SYNE3: variants seen among roughly 807,000 people sequenced by gnomAD.
SYNE3 encodes spectrin repeat containing nuclear envelope family member 3, also known as nesprin-3.
Under a neutral mutation model 111.2 loss-of-function variants are expected in SYNE3, and 100 were observed. That is an observed-to-expected ratio of 0.90 (90% CI 0.77 to 1.06). The LOEUF is 1.06. Among genes scored for constraint, SYNE3 ranks in the 50% least tolerant of loss-of-function variants. The probability of loss-of-function intolerance (pLI) is 0.00; values close to 1 mark genes in which losing one functional copy is unlikely to be tolerated. For synonymous variants in SYNE3, 547 were observed against 533.9 expected (o/e 1.02, Z -0.34); for missense variants, 1,160 against 1,240.3 (o/e 0.94, Z 0.97).
At chr14:95,491,946 G>T (rs1232159142) in intron 1 of SYNE3, among the ~76,000 whole-genome samples, 4 of 152,200 alleles carry the variant, frequency 2.6e-5, no homozygotes, top group Admixed American at 2.6e-4. Context: ...CAAATGATTT[G>T]AATAGACATT....
chr14:95,442,015 A>C (rs1167677097), intron 11 of SYNE3, among the ~76,000 whole-genome samples: 2 of 152,232 alleles, frequency 1.3e-5, no homozygotes, highest in East Asian at 3.8e-4. Context: ...CCTGCTTGGC[A>C]TGACCTGAGC....
chr14:95,437,331 G>C (rs894474953), intron 14 of SYNE3, among the ~76,000 whole-genome samples: 1 of 152,186 alleles, frequency 6.6e-6, no homozygotes. Flanking sequence ...CTAACTTCTT[G>C]GTTATCCACA....
rs57503952 is a variant in SYNE3, at chr14:95,474,396, C to G, written c.144+1282G>C. On this transcript the variant is annotated intron_variant, in intron 2 of 17. Transcript: ENST00000682763. ...ACGTGTCTCCATGAGGCTGGGAACC[C>G]TCAAGAGCAGGGTGGGCCTCACCCA... 2.4e-4 allele frequency among the ~76,000 whole-genome samples: 36 copies of G among 152,304 alleles called. No individual in the cohort carries two copies. The East Asian group carries it at 6.6e-3, about 28-fold the overall frequency.
In SYNE3 at chr14:95,408,539, C is replaced by G. The variant is rs559590346; in HGVS notation, c.*9287G>C. 2 of 153,278 alleles carry G rather than the reference C, an allele frequency of 1.3e-5. 1 individual carries two copies. The highest frequency in any genetic ancestry group is 4.1e-4 in the South Asian group (2 of 4,870). The allele number at this position is 153,278 out of a possible 1,614,324, so 9.5% of individuals were successfully genotyped here. A position where few individuals can be genotyped will look rare whatever the true frequency, so the allele number is the denominator to read the frequency against. ...TAAAAACTCTGGACTTTGGGTAAAA[C>G]GTCCTGAGCCCGATGTGGTCTCCCT... On this transcript the variant is annotated 3_prime_UTR_variant, in exon 18 of 18. Coordinates refer to ENST00000682763, the MANE Select transcript of SYNE3 (RefSeq NM_152592.6).
chr14:95,484,488 G>A lies in SYNE3; in HGVS notation c.-14-8653C>T, dbSNP rs539217663. Among the ~76,000 whole-genome samples the A allele has an allele frequency of 1.4e-4, 21 of 152,336 alleles. 1 individual carries two copies. In the East Asian group the frequency reaches 3.9e-3, roughly 28 times the overall value. On this transcript the variant is annotated intron_variant, in intron 1 of 17. Transcript: ENST00000682763. ...TGTGGGCGGAGCCGGTCAGAGGGCA[G>A]GCAGGCAGGGCACTGGCCATCTGCT...
intron 8 of SYNE3, among the ~76,000 whole-genome samples, chr14:95,447,395 C>T (rs2139414120): frequency 6.6e-6 from 1 of 152,242 alleles, no homozygotes; most frequent in South Asian, 2.1e-4. Flanking sequence ...CTCGGCCTCC[C>T]AAAGTGCTGG....
chr14:95,497,922 T>G (rs540346655), intron 1 of SYNE3, among the ~76,000 whole-genome samples: 1 of 151,956 alleles, frequency 6.6e-6, no homozygotes, highest in East Asian at 1.9e-4. Flanking sequence ...TAGAGAGCCT[T>G]AGTCAGAAAG....
intron 1 of SYNE3, among the ~76,000 whole-genome samples, chr14:95,481,162 A>G (rs1470014697): frequency 1.3e-5 from 2 of 152,252 alleles, no homozygotes; most frequent in South Asian, 2.1e-4. Flanking sequence ...CTGGCCCAGG[A>G]CATGGAGGCA....
intron 4 of SYNE3, among the ~76,000 whole-genome samples, chr14:95,460,710 C>T (rs1887750599): frequency 1.3e-5 from 2 of 152,182 alleles, no homozygotes; most frequent in African/African-American, 2.4e-5. Flanking sequence ...CTGCTGGCTT[C>T]CCCTTCCTGC....
intron 7 of SYNE3, 97 bp downstream of exon 7, chr14:95,452,150 A>T: frequency 1.5e-6 from 2 of 1,371,406 alleles, no homozygotes; most frequent in Non-Finnish European, 2.0e-6. Flanking sequence ...TTTAGAAGTT[A>T]CTATGTTGTA....
rs576475988 is a variant in SYNE3 at position 95,512,635 on chromosome 14, G to A, written c.-15+3961C>T. On this transcript the variant is annotated intron_variant, in intron 1 of 17. Coordinates refer to ENST00000682763, the MANE Select transcript of SYNE3 (RefSeq NM_152592.6). ...TGGGAGGCTGAGGTGGGCAGATCACGAGGTCAGGAGATCAAGACCATCCTG... is the reference window on the plus strand; with the variant it reads ...TGGGAGGCTGAGGTGGGCAGATCACAAGGTCAGGAGATCAAGACCATCCTG... 3.3e-3 allele frequency among the ~76,000 whole-genome samples: 500 copies of A among 151,710 alleles called. 4 individuals carry two copies. Among genetic ancestry groups the A allele is most frequent in the African/African-American group, 0.011 (467 of 41,344 alleles).
rs1903551040 is a variant in SYNE3, at chr14:95,415,415, A to G, written c.*2411T>C. The G allele has an allele frequency of 6.6e-6, 1 of 152,132 alleles. No individual in the cohort carries two copies. Among genetic ancestry groups the G allele is most frequent in the Non-Finnish European group, 1.5e-5 (1 of 68,012 alleles). The allele number at this position is 152,132 out of a possible 1,614,324, so 9.4% of individuals were successfully genotyped here. Reference sequence around the variant, plus strand: ...AACGGCCCTATGGCTTGGTTTCCAGATATCTGGAGAAAAGTGTGCTTTCTC... The same window carrying G: ...AACGGCCCTATGGCTTGGTTTCCAGGTATCTGGAGAAAAGTGTGCTTTCTC... On this transcript the variant is annotated 3_prime_UTR_variant, in exon 18 of 18. Transcript: ENST00000682763.
intron 1 of SYNE3, among the ~76,000 whole-genome samples, chr14:95,495,260 C>A (rs2139581333): frequency 6.6e-6 from 1 of 152,380 alleles, no homozygotes; most frequent in Admixed American, 6.5e-5. Context: ...TGTGCCCAGT[C>A]TGTCCTTACA....
Position 95,455,604 on chromosome 14 carries a change from C to A in SYNE3, c.910G>T (p.Glu304Ter). The change falls in exon 6 of 18, where the codon GAG (glutamate) becomes TAG (stop). Residue 304 changes from glutamate to a stop codon, truncating the protein, a stop_gained. Coordinates refer to ENST00000682763, the MANE Select transcript of SYNE3 (RefSeq NM_152592.6). LOFTEE classifies it high-confidence loss of function. Reference protein sequence around the residue: ...GAEKITGELEEMRKVLEKLRA... With the variant: ...GAEKITGELE Reference sequence around the variant, plus strand: ...AGCTTCTCCAGAACTTTCCTCATCTCTTCCAGTTCTCCGGTGATCTTCTCT... The same window carrying A: ...AGCTTCTCCAGAACTTTCCTCATCTATTCCAGTTCTCCGGTGATCTTCTCT... 1 of 1,614,236 alleles carries A rather than the reference C, an allele frequency of 6.2e-7. No homozygotes were observed. Among genetic ancestry groups the A allele is most frequent in the Non-Finnish European group, 8.5e-7 (1 of 1,180,050 alleles).
intron 2 of SYNE3, among the ~76,000 whole-genome samples, chr14:95,469,169 C>T (rs993037857): frequency 6.6e-6 from 1 of 152,156 alleles, no homozygotes; most frequent in Admixed American, 6.5e-5. Context: ...CAGCCCGTCT[C>T]CCTGAGGGCT....
chr14:95,418,908 T>C (rs971929021), intron 17 of SYNE3, among the ~76,000 whole-genome samples: 4 of 152,100 alleles, frequency 2.6e-5, no homozygotes, highest in Admixed American at 2.6e-4. Flanking sequence ...GGCCCCTCTC[T>C]TCTTTTCCTC....
intron 8 of SYNE3, chr14:95,449,329 G>A (rs2139419529): frequency 1.4e-6 from 1 of 699,090 alleles, no homozygotes; most frequent in Non-Finnish European, 1.8e-6. Context: ...ACCAACCAAT[G>A]AGATGTGAGG....
chr14:95,483,715 G>C (rs1263730844), intron 1 of SYNE3, among the ~76,000 whole-genome samples: 1 of 152,198 alleles, frequency 6.6e-6, no homozygotes, highest in African/African-American at 2.4e-5. Flanking sequence ...CTAATCCAAA[G>C]TGAGGAGCAA....
intron 17 of SYNE3, among the ~76,000 whole-genome samples, chr14:95,428,946 T>C (rs1361111674): frequency 1.3e-5 from 2 of 152,178 alleles, no homozygotes; most frequent in Admixed American, 6.5e-5. Flanking sequence ...ATAAGTATTT[T>C]TCCCCCTTTC....
Sources: gnomAD v4.1 joint callset for allele counts (sites outside exome capture counted in the v4.1 genomes callset) on GRCh38, gnomAD v4.1.1 for gene constraint, MANE v1.5 for transcripts, NCBI Gene and HGNC (gene_info 2026-07-23, HGNC 2026-07-21) for gene names.